The following SLC9A8 variants were observed in gnomAD, a reference collection of about 807,000 sequenced individuals.
The protein encoded by SLC9A8 is solute carrier family 9 member A8.
A neutral mutation model predicts 66.6 loss-of-function variants in SLC9A8; 48 were observed. That is an observed-to-expected ratio of 0.72 (90% CI 0.57 to 0.92). The LOEUF (loss-of-function observed/expected upper bound fraction) is 0.92, where lower values mean the gene tolerates loss of function less well. Ranked by LOEUF, SLC9A8 falls within the 40% of genes least tolerant of loss-of-function variation. The probability of loss-of-function intolerance (pLI) is 0.00; values close to 1 mark genes in which losing one functional copy is unlikely to be tolerated. For missense variants in SLC9A8, 599 were observed against 747.3 expected, an observed-to-expected ratio of 0.80 and a Z score of 2.31; for synonymous variants, 274 against 282.6, an observed-to-expected ratio of 0.97 and a Z score of 0.31.
intron 11 of SLC9A8, among the ~76,000 whole-genome samples, chr20:49,876,880 GA>G (rs2089446489): frequency 6.6e-6 from 1 of 152,156 alleles, no homozygotes; most frequent in Non-Finnish European, 1.5e-5. Context: ...TTCAGAGAGA[GA>G]AGGGGGGGTA....
chr20:49,838,809 A>G (rs1204527413), intron 3 of SLC9A8, among the ~76,000 whole-genome samples: 4 of 152,134 alleles, frequency 2.6e-5, no homozygotes, highest in Admixed American at 2.0e-4. Flanking sequence ...GTGAACTCCT[A>G]CCCTACAATG....
At chr20:49,867,597 T>A (rs551792574) in intron 10 of SLC9A8, among the ~76,000 whole-genome samples, 4 of 152,206 alleles carry the variant, frequency 2.6e-5, no homozygotes, top group Non-Finnish European at 5.9e-5. Flanking sequence ...GCTCTCTTTC[T>A]GTGCAGCTTC....
chr20:49,884,259 GAC>G (rs57704874), intron 14 of SLC9A8, 193 bp downstream of exon 14: 2,762 of 129,428 alleles, frequency 0.021, 226 homozygotes, highest in Non-Finnish European at 0.028. Flanking sequence ...ACACACACAC[GAC>G]ACACACACAC....
chr20:49,886,939 C>A lies in SLC9A8; in HGVS notation c.1638+41C>A. ...GGCCACACTTTCTGGGGGTCCCTTG[C>A]CTGCCTCCTTCAGGACCTGCGGTGG... is the stretch of plus-strand genomic sequence containing the variant. On this transcript the variant is annotated intron_variant, in intron 15 of 15. Coordinates refer to ENST00000361573, the MANE Select transcript of SLC9A8 (RefSeq NM_015266.3). The surrounding 1 kb of genome is among the most constrained non-coding windows in gnomAD (Gnocchi z 4.8). The A allele has an allele frequency of 6.3e-7, 1 of 1,587,388 alleles. No homozygotes were observed. The highest frequency in any genetic ancestry group is 8.6e-7 in the Non-Finnish European group (1 of 1,164,052).
In SLC9A8 at chr20:49,845,009, C is replaced by T. The variant is rs1319279329; in HGVS notation, c.349-27C>T. 11 of 1,515,868 alleles carry T rather than the reference C, an allele frequency of 7.3e-6. No homozygotes were observed. In the South Asian group the frequency reaches 1.0e-4, roughly 14 times the overall value. The allele number at this position is 1,515,868 out of a possible 1,614,324, so 93.9% of individuals were successfully genotyped here. On this transcript the variant is annotated intron_variant, in intron 4 of 15. Coordinates refer to ENST00000361573, the MANE Select transcript of SLC9A8 (RefSeq NM_015266.3). ...TTCTTAATTACACAAATTCCATGCC[C>T]TTAAGATACTCATTTTCTATTTACA...
rs1468506014 is a variant in SLC9A8 at position 49,891,796 on chromosome 20, G to T, written c.*3860G>T. The stretch of plus-strand genomic sequence containing the variant: ...CTGCTTCCACCTGCATGGTGGGCAT[G>T]GCCTGGCTTACACCAAAGGCTTTGA... On this transcript the variant is annotated 3_prime_UTR_variant, in exon 16 of 16. Coordinates refer to ENST00000361573, the MANE Select transcript of SLC9A8 (RefSeq NM_015266.3). The T allele has an allele frequency of 6.6e-6, 1 of 152,254 alleles. No homozygotes were observed. Among genetic ancestry groups the T allele is most frequent in the African/African-American group, 2.4e-5 (1 of 41,460 alleles). The allele number at this position is 152,254 out of a possible 1,614,324, so 9.4% of individuals were successfully genotyped here.
At chr20:49,816,479 G>A (rs2086553579) in intron 2 of SLC9A8, among the ~76,000 whole-genome samples, 1 of 151,990 alleles carries the variant, frequency 6.6e-6, no homozygotes, top group South Asian at 2.1e-4. Context: ...CTTTTAGTGT[G>A]TGAGGAAATT....
intron 14 of SLC9A8, among the ~76,000 whole-genome samples, chr20:49,884,334 A>ACACCCACC (rs1490531217): frequency 8.0e-6 from 1 of 124,376 alleles, no homozygotes; most frequent in Non-Finnish European, 1.7e-5. Context: ...ACACACACAC[A>ACACCCACC]CACCCCCCGG....
chr20:49,859,071 G>A (rs2088630989), intron 8 of SLC9A8, among the ~76,000 whole-genome samples: 1 of 152,196 alleles, frequency 6.6e-6, no homozygotes, highest in African/African-American at 2.4e-5. Flanking sequence ...CAGCAGCAGT[G>A]CTACTGCTGA....
chr20:49,890,095 T>TG lies in SLC9A8; in HGVS notation c.*2161dup, dbSNP rs971690686. The TG allele has an allele frequency of 6.6e-6, 1 of 151,754 alleles. No homozygotes were observed. Among genetic ancestry groups the TG allele is most frequent in the Admixed American group, 6.6e-5 (1 of 15,230 alleles). The allele number at this position is 151,754 out of a possible 1,614,324, so 9.4% of individuals were successfully genotyped here. The stretch of plus-strand genomic sequence containing the variant: ...CAGGATTTGTTGGGGGCAAAGGGGG[T>TG]GGCGGGACCGTTCCCAGGAGGTACC... On this transcript the variant is annotated 3_prime_UTR_variant, in exon 16 of 16. Coordinates refer to ENST00000361573, the MANE Select transcript of SLC9A8 (RefSeq NM_015266.3).
At chr20:49,856,248 A>G (rs2088477552) in intron 8 of SLC9A8, among the ~76,000 whole-genome samples, 1 of 152,114 alleles carries the variant, frequency 6.6e-6, no homozygotes, top group Admixed American at 6.5e-5. Context: ...ATGGGTTTTT[A>G]ATAAGTTCCC....
At chr20:49,882,548 C>T (rs488255) in intron 13 of SLC9A8, among the ~76,000 whole-genome samples, 70,804 of 152,096 alleles carry the variant, frequency 0.47, 16,787 homozygotes, top group South Asian at 0.61. Context: ...TGAGTGCGCT[C>T]ACCCGTCCAC....
chr20:49,833,865 G>T (rs979549451), intron 3 of SLC9A8, among the ~76,000 whole-genome samples: 10 of 152,154 alleles, frequency 6.6e-5, no homozygotes, highest in Non-Finnish European at 1.3e-4. Flanking sequence ...TATGCACAAA[G>T]ATCAACTAGG....
Position 49,815,059 on chromosome 20 carries a change from C to A in SLC9A8, c.78C>A (p.Thr26=), listed in dbSNP as rs1568779840. The A allele has an allele frequency of 6.2e-7, 1 of 1,608,474 alleles. No individual in the cohort carries two copies. Among genetic ancestry groups the A allele is most frequent in the East Asian group, 2.3e-5 (1 of 44,356 alleles). The change falls in exon 2 of 16, where the codon ACC becomes ACA. Residue 26 remains threonine, a synonymous_variant. Coordinates refer to ENST00000361573, the MANE Select transcript of SLC9A8 (RefSeq NM_015266.3). ...HEGFNVTLHT[T]LVVTTKLVLP... ...GTTTCAATGTCACCCTCCACACCAC[C>A]CTGGTTGTCACGACGAAACTGGTGC... is the stretch of plus-strand genomic sequence containing the variant.
chr20:49,878,831 A>G (rs1245119798), intron 12 of SLC9A8, among the ~76,000 whole-genome samples: 1 of 152,196 alleles, frequency 6.6e-6, no homozygotes, highest in Non-Finnish European at 1.5e-5. Flanking sequence ...CAGCCTGGCA[A>G]ACATGGTGAA....
chr20:49,817,862 T>A (rs1182076825), intron 2 of SLC9A8, among the ~76,000 whole-genome samples: 1 of 152,232 alleles, frequency 6.6e-6, no homozygotes, highest in African/African-American at 2.4e-5. Flanking sequence ...TTTGTTTTAT[T>A]TTCTTTTTCT....
In SLC9A8 at chr20:49,886,945, T is replaced by A; in HGVS notation, c.1638+47T>A. On this transcript the variant is annotated intron_variant, in intron 15 of 15. Transcript: ENST00000361573. The surrounding 1 kb of genome is among the most constrained non-coding windows in gnomAD (Gnocchi z 4.8). ...ACTTTCTGGGGGTCCCTTGCCTGCC[T>A]CCTTCAGGACCTGCGGTGGCCCAGG... 1 of 1,580,520 alleles carries A rather than the reference T, an allele frequency of 6.3e-7. No individual in the cohort carries two copies. Among genetic ancestry groups the A allele is most frequent in the Non-Finnish European group, 8.6e-7 (1 of 1,160,214 alleles).
chr20:49,887,349 C>T (rs1043546754), intron 15 of SLC9A8, among the ~76,000 whole-genome samples: 4 of 152,036 alleles, frequency 2.6e-5, no homozygotes, highest in Non-Finnish European at 4.4e-5. Flanking sequence ...TCCGAGCAGG[C>T]CCATTTTCCA....
At chr20:49,828,061 C>A (rs2086985798) in intron 3 of SLC9A8, among the ~76,000 whole-genome samples, 2 of 146,520 alleles carry the variant, frequency 1.4e-5, no homozygotes, top group Non-Finnish European at 1.5e-5. Context: ...CCCGTACCCC[C>A]ACCAAAAAAA....
Sources: allele counts gnomAD v4.1 joint callset (sites outside exome capture counted in the v4.1 genomes callset), GRCh38; gene constraint gnomAD v4.1.1; non-coding constraint Gnocchi (gnomAD v3.1); transcripts MANE v1.5; gene names NCBI Gene and HGNC (gene_info 2026-07-23, HGNC 2026-07-21).